The following TMEM131 variants were observed in gnomAD, a reference collection of about 807,000 sequenced individuals.
TMEM131 encodes the protein 2610524E03Rik.
In TMEM131, 66 loss-of-function variants were observed where a neutral mutation model predicts 211.6. The observed-to-expected ratio is 0.31, with a 90% CI of 0.26 to 0.38. TMEM131 has a LOEUF of 0.38. Ranked by LOEUF, TMEM131 falls within the 10% of genes least tolerant of loss-of-function variation. TMEM131 has a pLI of 1.00. For synonymous variants in TMEM131, 844 were observed against 841.3 expected (o/e 1.00, Z -0.06); for missense variants, 2,036 against 2,299.3 (o/e 0.89, Z 2.34).
Position 97,782,122 on chromosome 2 carries a change from C to T in TMEM131, c.4145-6104G>A, listed in dbSNP as rs974959919. Among the ~76,000 whole-genome samples the T allele has an allele frequency of 1.3e-5, 2 of 152,236 alleles. 1 individual carries two copies. The highest frequency in any genetic ancestry group is 2.9e-5 in the Non-Finnish European group (2 of 68,038). ...CTGGCCAGGCACTAAGGAGCCAACTCTCCCCTCCCTTTGCCACTGAGGTGG... is the reference window on the plus strand; with the variant it reads ...CTGGCCAGGCACTAAGGAGCCAACTTTCCCCTCCCTTTGCCACTGAGGTGG... On this transcript the variant is annotated intron_variant, in intron 31 of 40. Coordinates refer to ENST00000186436, the MANE Select transcript of TMEM131 (RefSeq NM_015348.2).
intron 1 of TMEM131, among the ~76,000 whole-genome samples, chr2:97,930,706 T>C (rs1255927046): frequency 2.6e-5 from 4 of 151,792 alleles, no homozygotes; most frequent in Admixed American, 2.6e-4. Flanking sequence ...GTTATTAAGC[T>C]ATAAAATATA....
chr2:97,835,011 G>A (rs996333567), intron 8 of TMEM131, 86 bp from the exon 9 acceptor site: 2 of 1,413,990 alleles, frequency 1.4e-6, no homozygotes, highest in Admixed American at 1.9e-5. Flanking sequence ...GACACTGACT[G>A]AAAGATGAGT....
intron 35 of TMEM131, chr2:97,763,446 G>T (rs1403434708): frequency 6.6e-6 from 1 of 152,574 alleles, no homozygotes; most frequent in Non-Finnish European, 1.5e-5. Flanking sequence ...CTCACCCCTT[G>T]ATGACATGGG....
intron 3 of TMEM131, among the ~76,000 whole-genome samples, chr2:97,897,003 T>G (rs369049314): frequency 0.15 from 11,420 of 78,616 alleles, 522 homozygotes; most frequent in African/African-American, 0.25. Context: ...AGTTCTTTAA[T>G]TACTCTATAT....
At chr2:97,885,590 T>G (rs1380231236) in intron 4 of TMEM131, among the ~76,000 whole-genome samples, 1 of 152,178 alleles carries the variant, frequency 6.6e-6, no homozygotes, top group Non-Finnish European at 1.5e-5. Context: ...TGAGTATTTT[T>G]AATATATCAT....
chr2:97,992,961 C>T (rs1680328393), intron 1 of TMEM131, among the ~76,000 whole-genome samples: 1 of 152,178 alleles, frequency 6.6e-6, no homozygotes, highest in Non-Finnish European at 1.5e-5. Flanking sequence ...CTAGTGATAG[C>T]ACACTCCCAT....
intron 5 of TMEM131, among the ~76,000 whole-genome samples, chr2:97,846,571 A>C (rs949506624): frequency 2.0e-5 from 3 of 152,164 alleles, no homozygotes; most frequent in South Asian, 2.1e-4. Flanking sequence ...AACCCTAAAG[A>C]AGCTTGTCCA....
At chr2:97,838,998 G>A (rs758510689) in intron 7 of TMEM131, among the ~76,000 whole-genome samples, 1 of 152,016 alleles carries the variant, frequency 6.6e-6, no homozygotes, top group Admixed American at 6.6e-5. Flanking sequence ...ATCCTTCCAA[G>A]TATCAAGCAA....
chr2:97,815,256 G>T lies in TMEM131; in HGVS notation c.1235C>A (p.Ala412Glu). The T allele has an allele frequency of 1.3e-6, 2 of 1,574,570 alleles. No homozygotes were observed. Among genetic ancestry groups the T allele is most frequent in the South Asian group, 2.4e-5 (2 of 82,248 alleles). Residue 412 changes from alanine (A) to glutamate (E), a missense_variant, in exon 13 of 41, where the codon GCA (alanine) becomes GAA (glutamate). Physicochemically the swap from Ala to Glu is moderately radical, Grantham distance 107. This residue lies in a region of TMEM131 where 1,623 missense variants were observed against 1,805.9 expected (regional missense o/e 0.90). Coordinates refer to ENST00000186436, the MANE Select transcript of TMEM131 (RefSeq NM_015348.2). ...SQFSGKITVK[A>E]KEKSYSKLEI... is the part of the protein sequence containing the mutation. ...AAGTTTAGAATAACTCTTTTCCTTTGCTTTAACTGTTATTTTCCCAGAAAA... is the reference window on the plus strand; with the variant it reads ...AAGTTTAGAATAACTCTTTTCCTTTTCTTTAACTGTTATTTTCCCAGAAAA...
intron 3 of TMEM131, among the ~76,000 whole-genome samples, chr2:97,896,065 G>A (rs949408384): frequency 1.3e-5 from 2 of 152,114 alleles, no homozygotes; most frequent in Admixed American, 1.3e-4. Flanking sequence ...GGTACATTGT[G>A]TCTTCGTTCT....
intron 17 of TMEM131, among the ~76,000 whole-genome samples, chr2:97,811,647 T>C (rs1004386427): frequency 6.6e-6 from 1 of 152,234 alleles, no homozygotes; most frequent in Non-Finnish European, 1.5e-5. Flanking sequence ...TTAATATTCA[T>C]ATCTTCAGGG....
chr2:97,866,167 C>T (rs994130226), intron 4 of TMEM131, among the ~76,000 whole-genome samples: 2 of 152,192 alleles, frequency 1.3e-5, no homozygotes, highest in Admixed American at 6.5e-5. Flanking sequence ...AGGCGTGAGC[C>T]GCCGTGCCCA....
intron 1 of TMEM131, among the ~76,000 whole-genome samples, chr2:97,930,942 CATT>C (rs1452598600): frequency 1.6e-5 from 1 of 63,378 alleles, no homozygotes; most frequent in East Asian, 2.1e-4. Flanking sequence ...ATGACACAGA[CATT>C]ATGATCCATT....
In TMEM131 at chr2:97,904,348, G is replaced by A. The variant is rs188366949; in HGVS notation, c.290+4310C>T. 2.2e-3 allele frequency among the ~76,000 whole-genome samples: 336 copies of A among 152,116 alleles called. 1 individual carries two copies. The highest frequency in any genetic ancestry group is 4.9e-3 in the Admixed American group (75 of 15,264). Reference sequence around the variant, plus strand: ...AAATTATAAATACATGTACATGTATGTATAAAAAGGTAGCTATGGGGAGGG... The same window carrying A: ...AAATTATAAATACATGTACATGTATATATAAAAAGGTAGCTATGGGGAGGG... On this transcript the variant is annotated intron_variant, in intron 3 of 40. Coordinates refer to ENST00000186436, the MANE Select transcript of TMEM131 (RefSeq NM_015348.2).
intron 28 of TMEM131, 139 bp downstream of exon 28, chr2:97,796,079 A>C: frequency 1.9e-6 from 1 of 537,084 alleles, no homozygotes. Flanking sequence ...ATGAAGAAAT[A>C]CCTTAGCCAA....
intron 2 of TMEM131, among the ~76,000 whole-genome samples, chr2:97,926,258 A>G (rs1676987606): frequency 6.6e-6 from 1 of 152,196 alleles, no homozygotes; most frequent in Admixed American, 6.5e-5. Context: ...CTTTAGCTTA[A>G]ATTTAAATTA....
intron 4 of TMEM131, among the ~76,000 whole-genome samples, chr2:97,875,996 T>A (rs1424593588): frequency 6.6e-6 from 1 of 151,868 alleles, no homozygotes. Context: ...AAGAATCAAA[T>A]AGATGCAATA....
intron 7 of TMEM131, among the ~76,000 whole-genome samples, chr2:97,838,388 A>G (rs147938598): frequency 5.3e-5 from 8 of 151,562 alleles, no homozygotes; most frequent in Admixed American, 2.6e-4. Context: ...TGAATAAAAA[A>G]GGATAAAGCA....
intron 1 of TMEM131, among the ~76,000 whole-genome samples, chr2:97,992,579 A>ATAAAT (rs1314930135): frequency 6.6e-6 from 1 of 152,188 alleles, no homozygotes; most frequent in Non-Finnish European, 1.5e-5. Flanking sequence ...CTCATTTATA[A>ATAAAT]TAAATGCCTT....
Sources: allele counts gnomAD v4.1 joint callset (sites outside exome capture counted in the v4.1 genomes callset), GRCh38; gene constraint gnomAD v4.1.1; regional missense constraint gnomAD v4.1.1; transcripts MANE v1.5; gene names NCBI Gene and HGNC (gene_info 2026-07-23, HGNC 2026-07-21).